The following ABCC8 variants were observed in gnomAD, a reference collection of about 807,000 sequenced individuals.
ABCC8 encodes ATP-binding cassette sub-family C member 8.
ABCC8 carries 137 observed loss-of-function variants against 188.0 expected under a neutral mutation model. The ratio of observed to expected loss-of-function variants is 0.73; its 90% CI spans 0.63 to 0.84. The LOEUF (loss-of-function observed/expected upper bound fraction) is 0.84. ABCC8 is among the 40% of genes least tolerant of loss of function. ABCC8 has a pLI of 0.00. For missense variants in ABCC8, 1,750 were observed against 2,072.7 expected (o/e 0.84, Z 3.02); for synonymous variants, 797 against 846.5 (o/e 0.94, Z 1.01).
chr11:17,449,241 A>C (rs1956664405), intron 7 of ABCC8, among the ~76,000 whole-genome samples: 1 of 152,192 alleles, frequency 6.6e-6, no homozygotes, highest in Admixed American at 6.5e-5. Context: ...TTTATTTTTT[A>C]AAGCAGATCT....
rs1953893250 is a variant in ABCC8 at position 17,395,835 on chromosome 11, C to A, written c.4198+17G>T. The A allele has an allele frequency of 6.4e-7, 1 of 1,565,776 alleles. No individual in the cohort carries two copies. The highest frequency in any genetic ancestry group is 8.7e-7 in the Non-Finnish European group (1 of 1,153,922). ...GGTGGCTGTGGGTACACGTGGGGTGCCCGCCTTACAACTCACCTTCGAACG... is the reference window on the plus strand; with the variant it reads ...GGTGGCTGTGGGTACACGTGGGGTGACCGCCTTACAACTCACCTTCGAACG... On this transcript the variant is annotated intron_variant, in intron 34 of 38. Coordinates refer to ENST00000389817, the MANE Select transcript of ABCC8 (RefSeq NM_000352.6).
At chr11:17,395,787 G>T in intron 34 of ABCC8, 65 bp downstream of exon 34, 2 of 1,553,480 alleles carry the variant, frequency 1.3e-6, no homozygotes, top group Non-Finnish European at 1.7e-6. Context: ...GTCTGACCAC[G>T]TGCCAGGGCT....
At chr11:17,430,668 G>A in intron 12 of ABCC8, 146 bp downstream of exon 12, 1 of 1,002,792 alleles carries the variant, frequency 1.0e-6, no homozygotes, top group South Asian at 1.3e-5. Context: ...ATGTCCCTCT[G>A]ACCAACCAGG....
At chr11:17,454,386 G>A (rs1330142760) in intron 6 of ABCC8, among the ~76,000 whole-genome samples, 1 of 152,160 alleles carries the variant, frequency 6.6e-6, no homozygotes, top group Non-Finnish European at 1.5e-5. Flanking sequence ...CATGATCTGT[G>A]CGACAGGGGT....
rs193007768 is a variant in ABCC8, at chr11:17,437,690, C to T, written c.1630+5030G>A. Among the ~76,000 whole-genome samples the T allele has an allele frequency of 1.9e-3, 287 of 152,320 alleles. 2 individuals carry two copies. The highest frequency in any genetic ancestry group is 3.6e-3 in the Non-Finnish European group (246 of 68,014). On this transcript the variant is annotated intron_variant, in intron 10 of 38. Transcript: ENST00000389817. ...TCTCAGTCAGACTGATCTTTACCTC[C>T]TTAATTGATGGGTGCCCCGGCTCTC...
At chr11:17,460,729 T>G (rs1422944434) in intron 5 of ABCC8, 53 bp from the exon 6 acceptor site, 28 of 1,598,174 alleles carry the variant, frequency 1.8e-5, no homozygotes, top group Non-Finnish European at 2.4e-5. Context: ...AATTCACGGC[T>G]GGGCCTAGCC....
intron 10 of ABCC8, among the ~76,000 whole-genome samples, chr11:17,434,855 G>A (rs1283935866): frequency 2.0e-5 from 3 of 152,032 alleles, no homozygotes; most frequent in East Asian, 1.9e-4. Context: ...GTATGGAGAC[G>A]CTAAAGAATG....
intron 6 of ABCC8, among the ~76,000 whole-genome samples, chr11:17,458,364 C>T (rs1489018873): frequency 2.6e-5 from 4 of 152,238 alleles, no homozygotes; most frequent in Admixed American, 6.5e-5. Flanking sequence ...GCAATGATAA[C>T]GTTCAGATGA....
chr11:17,396,940 A>G lies in ABCC8; in HGVS notation c.4095T>C (p.Asn1365=), dbSNP rs1207446214. 4 of 1,614,064 alleles carry G rather than the reference A, an allele frequency of 2.5e-6. No individual in the cohort carries two copies. Among genetic ancestry groups the G allele is most frequent in the Admixed American group, 1.7e-5 (1 of 60,012 alleles). The change falls in exon 33 of 39, where the codon AAT becomes AAC. Residue 1365 remains asparagine, a synonymous_variant. Transcript: ENST00000389817. Reference sequence around the variant, plus strand: ...CCTTCTGTCCAGGGGCGATGAGGGCATTGACGTGCTTCAGCACCGGCTTCA... The same window carrying G: ...CCTTCTGTCCAGGGGCGATGAGGGCGTTGACGTGCTTCAGCACCGGCTTCA... ...SSLKPVLKHV[N]ALIAPGQKIG... is the part of the protein sequence containing the mutation.
At position 17,428,312 on chromosome 11, in the gene ABCC8, C is replaced by T. The variant is rs777986828; in HGVS notation, c.2017G>A (p.Asp673Asn). 122 of 1,614,048 alleles carry T rather than the reference C, an allele frequency of 7.6e-5. No individual in the cohort carries two copies. The highest frequency in any genetic ancestry group is 1.7e-4 in the Admixed American group (10 of 60,006). Residue 673 changes from aspartate to asparagine, a missense_variant, in exon 14 of 39, where the codon GAT becomes AAT. Coordinates refer to ENST00000389817, the MANE Select transcript of ABCC8 (RefSeq NM_000352.6). ...ACCTGGACACAGCAGTTGTCAGCAT[C>T]GCCATCTGCACTGGGGACCAGGCTC... ...LQSLVPSADGDADNCCVQIMG... is the reference protein window; with the variant it reads ...LQSLVPSADGNADNCCVQIMG...
chr11:17,444,921 C>T (rs558687171), intron 8 of ABCC8, among the ~76,000 whole-genome samples: 1 of 152,202 alleles, frequency 6.6e-6, no homozygotes, highest in Non-Finnish European at 1.5e-5. Flanking sequence ...TTAAATGAAC[C>T]TTTATGATAA....
intron 6 of ABCC8, among the ~76,000 whole-genome samples, chr11:17,455,937 CAAAAAAAAAAAA>C (rs796687753): frequency 0.089 from 5,573 of 62,824 alleles, 354 homozygotes; most frequent in African/African-American, 0.22. Flanking sequence ...AGGCTCCATC[CAAAAAAAAAAAA>C]AAAAAAAAAA....
chr11:17,431,211 A>G (rs553676248), intron 11 of ABCC8, among the ~76,000 whole-genome samples: 2 of 152,256 alleles, frequency 1.3e-5, no homozygotes, highest in African/African-American at 4.8e-5. Context: ...TGTCCTGCCC[A>G]GTCTTGGCTG....
chr11:17,425,798 C>T (rs761448608), intron 16 of ABCC8, among the ~76,000 whole-genome samples: 4 of 152,128 alleles, frequency 2.6e-5, no homozygotes, highest in Non-Finnish European at 5.9e-5. Flanking sequence ...AACCCTTCAT[C>T]TACATTAAGT....
rs1236280165 is a variant in ABCC8, at chr11:17,417,027, G to A, written c.2223-65C>T. 57 of 1,609,596 alleles carry A rather than the reference G, an allele frequency of 3.5e-5. No homozygotes were observed. In the South Asian group the frequency reaches 3.9e-4, roughly 11 times the overall value. Reference sequence around the variant, plus strand: ...TCCCACCCCATTGCCTTTCCATCACGCTGAGTCTTAGGGGAGAAGCAATCC... The same window carrying A: ...TCCCACCCCATTGCCTTTCCATCACACTGAGTCTTAGGGGAGAAGCAATCC... On this transcript the variant is annotated intron_variant, in intron 16 of 38. Transcript: ENST00000389817.
intron 12 of ABCC8, chr11:17,429,418 G>C (rs1000335332): frequency 6.6e-6 from 1 of 152,282 alleles, no homozygotes; most frequent in Middle Eastern, 3.2e-3. Flanking sequence ...AGATGGGAGG[G>C]GCAGACCACC....
intron 17 of ABCC8, among the ~76,000 whole-genome samples, chr11:17,416,395 A>C (rs373004795): frequency 3.9e-5 from 6 of 152,070 alleles, no homozygotes; most frequent in African/African-American, 9.7e-5. Context: ...CCTTACAGTC[A>C]TATTTCTTAA....
At chr11:17,453,321 C>A in intron 6 of ABCC8, 38 bp from the exon 7 acceptor site, 1 of 1,611,928 alleles carries the variant, frequency 6.2e-7, no homozygotes, top group South Asian at 1.1e-5. Flanking sequence ...CTGTCATTGC[C>A]AGCAAAATGA....
At position 17,407,395 on chromosome 11, in the gene ABCC8, G is replaced by C; in HGVS notation, c.2879C>G (p.Ser960Cys). The C allele has an allele frequency of 6.2e-7, 1 of 1,614,136 alleles. No homozygotes were observed. The highest frequency in any genetic ancestry group is 8.5e-7 in the Non-Finnish European group (1 of 1,180,024). Residue 960 changes from serine (S) to cysteine (C), a missense_variant, in exon 24 of 39, where the codon TCC becomes TGC. Ser to Cys is a moderately radical substitution (Grantham distance 112, BLOSUM62 -1). Transcript: ENST00000389817. ...EPPQGLSRAM[S>C]SRDGLLQDEE... ...ATCCTGCAGAAGGCCATCCCTCGAG[G>C]ACATGGCACGAGATAGGCCCTGGGG...
Sources: allele counts gnomAD v4.1 joint callset (sites outside exome capture counted in the v4.1 genomes callset), GRCh38; gene constraint gnomAD v4.1.1; transcripts MANE v1.5; gene names NCBI Gene and HGNC (gene_info 2026-07-23, HGNC 2026-07-21).